The following STXBP5L variants were observed in gnomAD, a reference collection of about 807,000 sequenced individuals.
STXBP5L encodes the protein syntaxin-binding protein 5-like.
A neutral mutation model predicts 144.5 loss-of-function variants in STXBP5L; 65 were observed. The ratio of observed to expected loss-of-function variants is 0.45; its 90% CI spans 0.37 to 0.55. The LOEUF (loss-of-function observed/expected upper bound fraction) is 0.55. Ranked by LOEUF, STXBP5L falls within the 20% of genes least tolerant of loss-of-function variation. The pLI is 0.00. For synonymous variants in STXBP5L, 505 were observed against 469.6 expected (o/e 1.08, Z -0.97); for missense variants, 1,298 against 1,405.5 (o/e 0.92, Z 1.22).
intron 20 of STXBP5L, among the ~76,000 whole-genome samples, chr3:121,326,764 T>C (rs554008566): frequency 6.6e-6 from 1 of 152,042 alleles, no homozygotes; most frequent in Non-Finnish European, 1.5e-5. Flanking sequence ...CAATAATATA[T>C]GGTAGTGATT....
At chr3:121,143,259 C>A (rs1194779568) in intron 7 of STXBP5L, among the ~76,000 whole-genome samples, 2 of 144,432 alleles carry the variant, frequency 1.4e-5, no homozygotes, top group Admixed American at 7.0e-5. Context: ...TGAATTCTAC[C>A]AAAAATTTGA....
At chr3:121,141,599 T>G (rs1053592545) in intron 7 of STXBP5L, among the ~76,000 whole-genome samples, 1 of 152,096 alleles carries the variant, frequency 6.6e-6, no homozygotes. Context: ...ATACACCATA[T>G]AAGTAGATGA....
chr3:121,120,291 A>T (rs2044400908), intron 6 of STXBP5L, among the ~76,000 whole-genome samples: 1 of 151,306 alleles, frequency 6.6e-6, no homozygotes, highest in Non-Finnish European at 1.5e-5. Flanking sequence ...AGAGGCATTT[A>T]TACCTTTATA....
chr3:121,001,911 A>G (rs1943810900), intron 3 of STXBP5L, among the ~76,000 whole-genome samples: 1 of 152,176 alleles, frequency 6.6e-6, no homozygotes, highest in South Asian at 2.1e-4. Context: ...AAGGCCGAAT[A>G]ATATTCTATT....
chr3:121,085,997 G>A (rs1366987187), intron 5 of STXBP5L, among the ~76,000 whole-genome samples: 5 of 151,980 alleles, frequency 3.3e-5, no homozygotes, highest in Non-Finnish European at 7.4e-5. Flanking sequence ...ACAGAATAAA[G>A]ATCTCAGAAA....
chr3:121,084,363 G>A (rs183049690), intron 5 of STXBP5L, among the ~76,000 whole-genome samples: 4 of 151,960 alleles, frequency 2.6e-5, no homozygotes, highest in East Asian at 1.9e-4. Context: ...CTCCCTCCCC[G>A]CCTACCCTCA....
chr3:120,976,005 C>CT (rs917981562), intron 3 of STXBP5L, among the ~76,000 whole-genome samples: 16 of 151,850 alleles, frequency 1.1e-4, no homozygotes, highest in South Asian at 8.3e-4. Flanking sequence ...CTAAAATTCT[C>CT]TTTTTTTTGT....
At chr3:120,991,766 A>T (rs1942901454) in intron 3 of STXBP5L, among the ~76,000 whole-genome samples, 1 of 150,664 alleles carries the variant, frequency 6.6e-6, no homozygotes, top group Admixed American at 6.7e-5. Flanking sequence ...AACAATGAGA[A>T]CACATGGACA....
At chr3:121,379,359 A>T (rs1015897998) in intron 21 of STXBP5L, among the ~76,000 whole-genome samples, 1 of 152,104 alleles carries the variant, frequency 6.6e-6, no homozygotes, top group African/African-American at 2.4e-5. Flanking sequence ...CTATTTGCTT[A>T]TTTATGGAAT....
intron 9 of STXBP5L, among the ~76,000 whole-genome samples, chr3:121,175,342 C>T (rs1301209718): frequency 1.3e-5 from 2 of 152,014 alleles, no homozygotes; most frequent in African/African-American, 2.4e-5. Flanking sequence ...TAGATTAATG[C>T]TAACACCCAC....
chr3:121,160,904 A>C (rs1292983630), intron 9 of STXBP5L, among the ~76,000 whole-genome samples: 1 of 152,124 alleles, frequency 6.6e-6, no homozygotes, highest in African/African-American at 2.4e-5. Context: ...TACTTCCTTA[A>C]CTATTCAAAG....
At chr3:121,020,257 G>A (rs964430338) in intron 3 of STXBP5L, among the ~76,000 whole-genome samples, 2 of 152,084 alleles carry the variant, frequency 1.3e-5, no homozygotes, top group African/African-American at 2.4e-5. Flanking sequence ...CCTCCAAGAC[G>A]TTTGGGATGT....
At chr3:121,198,184 T>G (rs973186690) in intron 9 of STXBP5L, among the ~76,000 whole-genome samples, 1 of 152,174 alleles carries the variant, frequency 6.6e-6, no homozygotes, top group African/African-American at 2.4e-5. Flanking sequence ...TAATAGCCAT[T>G]CTAACTGGCG....
chr3:121,003,752 G>T (rs1943995873), intron 3 of STXBP5L, among the ~76,000 whole-genome samples: 1 of 152,160 alleles, frequency 6.6e-6, no homozygotes, highest in African/African-American at 2.4e-5. Flanking sequence ...AAGGGATCCA[G>T]TTTCAGCTTT....
chr3:121,149,699 A>T (rs548797771), intron 7 of STXBP5L, among the ~76,000 whole-genome samples: 1 of 152,186 alleles, frequency 6.6e-6, no homozygotes, highest in Admixed American at 6.5e-5. Context: ...CATATAAAAT[A>T]GCAATAAGAA....
chr3:120,958,610 C>T (rs1938332802), intron 3 of STXBP5L, among the ~76,000 whole-genome samples: 1 of 152,174 alleles, frequency 6.6e-6, no homozygotes, highest in African/African-American at 2.4e-5. Context: ...ATATGCAAAT[C>T]AATAAATGTA....
At chr3:121,094,575 T>C (rs1478961156) in intron 5 of STXBP5L, among the ~76,000 whole-genome samples, 3 of 152,094 alleles carry the variant, frequency 2.0e-5, no homozygotes, top group Non-Finnish European at 4.4e-5. Context: ...GTCTGTTTTA[T>C]CAGAGACTAG....
chr3:121,170,719 C>T (rs897136933), intron 9 of STXBP5L, among the ~76,000 whole-genome samples: 15 of 151,922 alleles, frequency 9.9e-5, no homozygotes, highest in Non-Finnish European at 1.5e-4. Flanking sequence ...CAACCAAAAA[C>T]AACCCAGCAC....
intron 20 of STXBP5L, among the ~76,000 whole-genome samples, chr3:121,365,994 A>G (rs937909483): frequency 6.6e-6 from 1 of 151,670 alleles, no homozygotes; most frequent in Non-Finnish European, 1.5e-5. Context: ...ATTATTTTCT[A>G]ATTTTCATCC....
Sources: gnomAD v4.1 joint callset for allele counts (sites outside exome capture counted in the v4.1 genomes callset) on GRCh38, gnomAD v4.1.1 for gene constraint, MANE v1.5 for transcripts, NCBI Gene and HGNC (gene_info 2026-07-23, HGNC 2026-07-21) for gene names.